CEP85L: variants seen among roughly 807,000 people sequenced by gnomAD.
CEP85L encodes centrosomal protein of 85 kDa-like.
In CEP85L, 60 loss-of-function variants were observed where a neutral mutation model predicts 100.3. The ratio of observed to expected loss-of-function variants is 0.60; its 90% CI spans 0.49 to 0.74. The LOEUF is 0.74. Among genes scored for constraint, CEP85L ranks in the 30% least tolerant of loss-of-function variants. The pLI is 0.00. For missense variants in CEP85L, 973 were observed against 936.2 expected (o/e 1.04, Z -0.51); for synonymous variants, 319 against 322.7 (o/e 0.99, Z 0.12).
intron 3 of CEP85L, among the ~76,000 whole-genome samples, chr6:118,524,462 C>T (rs553204710): frequency 2.0e-5 from 3 of 150,268 alleles, no homozygotes; most frequent in African/African-American, 7.3e-5. Context: ...AACAAACAAA[C>T]AAAACCATAT....
intron 1 of CEP85L, among the ~76,000 whole-genome samples, chr6:118,648,894 T>A (rs1172493537): frequency 2.0e-5 from 3 of 152,250 alleles, no homozygotes; most frequent in African/African-American, 7.2e-5. Context: ...AGAAATTATT[T>A]ACTTATCCCT....
chr6:118,685,615 A>G (rs1367646344), intron 1 of CEP85L, among the ~76,000 whole-genome samples: 2 of 152,226 alleles, frequency 1.3e-5, no homozygotes, highest in Non-Finnish European at 2.9e-5. Flanking sequence ...GATGTTCTTG[A>G]GAAGAACTTT....
Position 118,469,308 on chromosome 6 carries a change from A to C in CEP85L, c.2023-5T>G, listed in dbSNP as rs1320429067. The C allele has an allele frequency of 6.2e-7, 1 of 1,606,722 alleles. No individual in the cohort carries two copies. The highest frequency in any genetic ancestry group is 8.5e-7 in the Non-Finnish European group (1 of 1,173,478). On this transcript the variant is annotated splice_polypyrimidine_tract_variant and splice_region_variant and intron_variant, in intron 11 of 12. Coordinates refer to ENST00000368491, the MANE Select transcript of CEP85L (RefSeq NM_001042475.3). Reference sequence around the variant, plus strand: ...CTCATCTGTTTGTCTTTGGTTCTGCAAGGATAAAGAAAACAAACATCAGAT... The same window carrying C: ...CTCATCTGTTTGTCTTTGGTTCTGCCAGGATAAAGAAAACAAACATCAGAT...
intron 10 of CEP85L, among the ~76,000 whole-genome samples, chr6:118,473,920 G>A (rs1205697008): frequency 1.3e-5 from 2 of 151,254 alleles, no homozygotes; most frequent in African/African-American, 4.8e-5. Flanking sequence ...TATTTTGGTG[G>A]TGGGGAGATA....
intron 4 of CEP85L, among the ~76,000 whole-genome samples, chr6:118,523,530 C>G (rs1263569807): frequency 1.3e-5 from 2 of 152,114 alleles, no homozygotes; most frequent in African/African-American, 4.8e-5. Context: ...GCAGCTAACC[C>G]GCTACACGTA....
chr6:118,530,829 C>G (rs1777249640), intron 3 of CEP85L, among the ~76,000 whole-genome samples: 1 of 147,232 alleles, frequency 6.8e-6, no homozygotes, highest in East Asian at 2.0e-4. Flanking sequence ...ACAAGAATTA[C>G]AAAACACTGC....
At chr6:118,502,670 A>G (rs1193930155) in intron 5 of CEP85L, 7 of 468,236 alleles carry the variant, frequency 1.5e-5, no homozygotes, top group Admixed American at 3.2e-5. Flanking sequence ...CTCCAGCTCA[A>G]TGAGCATTTG....
At chr6:118,704,004 G>A (rs17825844) in intron 1 of CEP85L, among the ~76,000 whole-genome samples, 45,050 of 151,976 alleles carry the variant, frequency 0.3, 7,376 homozygotes, top group Non-Finnish European at 0.37. Flanking sequence ...AAAAAATATA[G>A]AGGATGGGCT....
chr6:118,503,769 TA>T (rs530374425), intron 5 of CEP85L, among the ~76,000 whole-genome samples: 57 of 148,508 alleles, frequency 3.8e-4, no homozygotes, highest in Admixed American at 1.9e-3. Flanking sequence ...ACAGACCTTA[TA>T]TTTTTTACAA....
intron 3 of CEP85L, among the ~76,000 whole-genome samples, chr6:118,540,391 A>C (rs1373989459): frequency 6.6e-6 from 1 of 152,106 alleles, no homozygotes; most frequent in Non-Finnish European, 1.5e-5. Context: ...GATATGTGTT[A>C]ACAGTAAGAA....
intron 2 of CEP85L, among the ~76,000 whole-genome samples, chr6:118,603,558 G>A (rs951606249): frequency 1.3e-5 from 2 of 152,196 alleles, no homozygotes; most frequent in Admixed American, 6.5e-5. Flanking sequence ...TCCAAAGTTT[G>A]TTCATAGGAG....
intron 1 of CEP85L, among the ~76,000 whole-genome samples, chr6:118,644,093 T>C (rs1457601353): frequency 1.3e-5 from 2 of 152,246 alleles, no homozygotes. Flanking sequence ...CTGGATTAGA[T>C]AATCTCTAAT....
intron 2 of CEP85L, among the ~76,000 whole-genome samples, chr6:118,581,455 C>T (rs1780573377): frequency 6.6e-6 from 1 of 151,668 alleles, no homozygotes; most frequent in African/African-American, 2.4e-5. Flanking sequence ...ACAGGTCACA[C>T]AAGTCTAGGA....
chr6:118,533,720 C>G (rs1777423558), intron 3 of CEP85L, among the ~76,000 whole-genome samples: 1 of 152,150 alleles, frequency 6.6e-6, no homozygotes, highest in Non-Finnish European at 1.5e-5. Context: ...CAAACCAAAT[C>G]CAATCCAGAC....
intron 10 of CEP85L, among the ~76,000 whole-genome samples, chr6:118,473,395 C>T (rs1274055392): frequency 2.6e-5 from 4 of 152,068 alleles, no homozygotes; most frequent in Non-Finnish European, 5.9e-5. Flanking sequence ...TCCAGAGTTC[C>T]TATCAGTACA....
chr6:118,634,735 A>G (rs1774385588), intron 1 of CEP85L, among the ~76,000 whole-genome samples: 1 of 152,150 alleles, frequency 6.6e-6, no homozygotes, highest in African/African-American at 2.4e-5. Context: ...ATTTTTTTTC[A>G]ATCAGGTAAC....
At chr6:118,633,575 C>A (rs566286292) in intron 1 of CEP85L, among the ~76,000 whole-genome samples, 186 of 152,232 alleles carry the variant, frequency 1.2e-3, no homozygotes, top group Non-Finnish European at 1.8e-3. Flanking sequence ...ATGTTTATTT[C>A]CACTTACTCA....
intron 1 of CEP85L, among the ~76,000 whole-genome samples, chr6:118,692,361 A>G (rs1777072032): frequency 6.6e-6 from 1 of 152,188 alleles, no homozygotes; most frequent in African/African-American, 2.4e-5. Context: ...TATGCAAGGA[A>G]GAACTATATG....
At chr6:118,652,953 G>C (rs1277713232), upstream of CEP85L, 13 of 492,788 alleles carry the variant, frequency 2.6e-5, no homozygotes, top group Non-Finnish European at 4.3e-5. Flanking sequence ...AGAAGCTATA[G>C]CACTATGTAT....
Sources: allele counts gnomAD v4.1 joint callset (sites outside exome capture counted in the v4.1 genomes callset), GRCh38; gene constraint gnomAD v4.1.1; transcripts MANE v1.5; gene names NCBI Gene and HGNC (gene_info 2026-07-23, HGNC 2026-07-21).